Variants in ARHGAP15 observed in about 807,000 individuals in gnomAD.
ARHGAP15 encodes rho GTPase-activating protein 15.
In ARHGAP15, 51 loss-of-function variants were observed where a neutral mutation model predicts 63.7. The ratio of observed to expected loss-of-function variants is 0.80; its 90% CI spans 0.64 to 1.01. The LOEUF is 1.01. Among genes scored for constraint, ARHGAP15 ranks in the 50% least tolerant of loss-of-function variants. The pLI, the probability that ARHGAP15 is intolerant of heterozygous loss-of-function variation, is 0.00. For missense variants in ARHGAP15, 560 were observed against 564.6 expected (o/e 0.99, Z 0.08); for synonymous variants, 191 against 193.8 (o/e 0.99, Z 0.12).
chr2:143,732,513 G>A (rs1012172042), intron 13 of ARHGAP15, among the ~76,000 whole-genome samples: 7 of 152,094 alleles, frequency 4.6e-5, no homozygotes, highest in African/African-American at 1.2e-4. Flanking sequence ...GTTCAGAAAC[G>A]TTTACTGACA....
At position 143,344,578 on chromosome 2, in the gene ARHGAP15, G is replaced by C. The variant is rs573668882; in HGVS notation, c.475-91023G>C. On this transcript the variant is annotated intron_variant, in intron 6 of 13. Coordinates refer to ENST00000295095, the MANE Select transcript of ARHGAP15 (RefSeq NM_018460.4). ...AGAATTCATTTGTCATTAATGAAATGATATTTTGTGAAAACTTCGGCATAA... is the reference window on the plus strand; with the variant it reads ...AGAATTCATTTGTCATTAATGAAATCATATTTTGTGAAAACTTCGGCATAA... Among the ~76,000 whole-genome samples, 40 of 152,246 alleles carry C rather than the reference G, an allele frequency of 2.6e-4. 1 individual carries two copies. In the South Asian group the frequency reaches 4.1e-3, roughly 16 times the overall value.
chr2:143,150,651 A>G (rs755059357), intron 1 of ARHGAP15, among the ~76,000 whole-genome samples: 9 of 152,074 alleles, frequency 5.9e-5, no homozygotes, highest in Non-Finnish European at 1.2e-4. Flanking sequence ...TGGAGAGTTT[A>G]GTAAAATCAA....
At chr2:143,440,113 G>A (rs1574453243) in intron 8 of ARHGAP15, among the ~76,000 whole-genome samples, 1 of 151,640 alleles carries the variant, frequency 6.6e-6, no homozygotes, top group African/African-American at 2.4e-5. Context: ...TTTGAATTAA[G>A]TTCATTCAAT....
chr2:143,701,662 T>C (rs1684095454), intron 12 of ARHGAP15, among the ~76,000 whole-genome samples: 1 of 152,090 alleles, frequency 6.6e-6, no homozygotes, highest in Non-Finnish European at 1.5e-5. Context: ...GCCCAGGAGT[T>C]GAGACTGCAG....
In ARHGAP15 at chr2:143,442,092, T is replaced by A. The variant is rs1180360611; in HGVS notation, c.703+5050T>A. On this transcript the variant is annotated intron_variant, in intron 8 of 13. Transcript: ENST00000295095. Reference sequence around the variant, plus strand: ...TTTTAACTTGTCTTTGTTTAAAAAATTTGCCTGCAAAGTATCATGACCATG... The same window carrying A: ...TTTTAACTTGTCTTTGTTTAAAAAAATTGCCTGCAAAGTATCATGACCATG... 7.2e-5 allele frequency among the ~76,000 whole-genome samples: 11 copies of A among 152,226 alleles called. No homozygotes were observed. In the East Asian group the frequency reaches 1.9e-3, roughly 27 times the overall value.
intron 12 of ARHGAP15, among the ~76,000 whole-genome samples, chr2:143,680,193 A>C (rs1294129445): frequency 6.6e-6 from 1 of 152,176 alleles, no homozygotes; most frequent in Non-Finnish European, 1.5e-5. Context: ...ACATGGAAAA[A>C]ATCCACACAA....
At chr2:143,429,667 TA>T (rs1689297750) in intron 6 of ARHGAP15, among the ~76,000 whole-genome samples, 1 of 152,026 alleles carries the variant, frequency 6.6e-6, no homozygotes, top group African/African-American at 2.4e-5. Context: ...TTTGTTAACA[TA>T]GGGGGAGTTG....
chr2:143,439,579 T>A (rs1278699891), intron 8 of ARHGAP15, among the ~76,000 whole-genome samples: 1 of 151,696 alleles, frequency 6.6e-6, no homozygotes, highest in South Asian at 2.1e-4. Context: ...CACCAGGCAC[T>A]GTTCCAAGTG....
At chr2:143,512,691 G>A (rs1693641410) in intron 9 of ARHGAP15, among the ~76,000 whole-genome samples, 1 of 152,236 alleles carries the variant, frequency 6.6e-6, no homozygotes, top group Admixed American at 6.5e-5. Context: ...TATTAAAATG[G>A]GTGGGAGGGG....
intron 11 of ARHGAP15, among the ~76,000 whole-genome samples, chr2:143,565,686 G>T (rs1475149787): frequency 1.3e-5 from 2 of 152,144 alleles, no homozygotes; most frequent in Non-Finnish European, 2.9e-5. Context: ...ACAAAACAAA[G>T]CTTGAGGCGA....
intron 6 of ARHGAP15, among the ~76,000 whole-genome samples, chr2:143,422,371 C>G (rs1688959794): frequency 6.6e-6 from 1 of 152,004 alleles, no homozygotes; most frequent in Non-Finnish European, 1.5e-5. Context: ...TGTTTGAGAT[C>G]ATGAAAAAAC....
chr2:143,300,349 T>G (rs1682840122), intron 6 of ARHGAP15, among the ~76,000 whole-genome samples: 1 of 152,034 alleles, frequency 6.6e-6, no homozygotes. Flanking sequence ...AATCATAATT[T>G]TTTCATATAT....
At position 143,435,715 on chromosome 2, in the gene ARHGAP15, G is replaced by T; in HGVS notation, c.573+16G>T. 1.3e-6 allele frequency: 2 copies of T among 1,593,086 alleles called. No homozygotes were observed. Among genetic ancestry groups the T allele is most frequent in the Admixed American group, 1.8e-5 (1 of 55,920 alleles). Reference sequence around the variant, plus strand: ...TGACAGATTGGTATGTATTTGTTTTGGCTGTTACCTTTATTAATTAAAATG... The same window carrying T: ...TGACAGATTGGTATGTATTTGTTTTTGCTGTTACCTTTATTAATTAAAATG... On this transcript the variant is annotated intron_variant, in intron 7 of 13. Transcript: ENST00000295095.
intron 6 of ARHGAP15, among the ~76,000 whole-genome samples, chr2:143,409,275 C>T (rs917518006): frequency 6.6e-6 from 1 of 151,892 alleles, no homozygotes; most frequent in Admixed American, 6.6e-5. Flanking sequence ...ACACAACAAC[C>T]TCATTAAAAT....
intron 6 of ARHGAP15, among the ~76,000 whole-genome samples, chr2:143,339,642 G>T (rs1684966359): frequency 3.3e-5 from 5 of 152,106 alleles, no homozygotes; most frequent in Admixed American, 1.3e-4. Context: ...GTCATCAAAT[G>T]TGAAACCCAG....
At chr2:143,455,566 G>T (rs1324769205) in intron 8 of ARHGAP15, among the ~76,000 whole-genome samples, 1 of 152,008 alleles carries the variant, frequency 6.6e-6, no homozygotes, top group Non-Finnish European at 1.5e-5. Flanking sequence ...GACATTTATG[G>T]TCAAATTTTA....
At chr2:143,640,129 A>G (rs1304075940) in intron 12 of ARHGAP15, among the ~76,000 whole-genome samples, 1 of 152,124 alleles carries the variant, frequency 6.6e-6, no homozygotes, top group African/African-American at 2.4e-5. Flanking sequence ...TTTATCTGAC[A>G]TAAACTTCTC....
chr2:143,236,586 C>T (rs998879274), intron 5 of ARHGAP15: 3 of 151,968 alleles, frequency 2.0e-5, no homozygotes, highest in Admixed American at 6.6e-5. Flanking sequence ...GACATGGCGT[C>T]GTTTTATGAT....
chr2:143,621,306 T>A (rs1698640100), intron 11 of ARHGAP15, among the ~76,000 whole-genome samples: 1 of 152,184 alleles, frequency 6.6e-6, no homozygotes, highest in African/African-American at 2.4e-5. Context: ...CTGTGTAGAA[T>A]CTAGTTAGAA....
Sources: allele counts gnomAD v4.1 joint callset (sites outside exome capture counted in the v4.1 genomes callset), GRCh38; gene constraint gnomAD v4.1.1; transcripts MANE v1.5; gene names NCBI Gene and HGNC (gene_info 2026-07-23, HGNC 2026-07-21).